The following RCC1L variants were observed in gnomAD, a reference collection of about 807,000 sequenced individuals.
RCC1L encodes RCC1 like, also known as RCC1-like G exchanging factor-like protein.
RCC1L carries 46 observed loss-of-function variants against 58.6 expected under a neutral mutation model. That is an observed-to-expected ratio of 0.79 (90% confidence interval 0.62 to 1.00). The LOEUF (loss-of-function observed/expected upper bound fraction) is 1.00, where lower values mean the gene tolerates loss of function less well. Ranked by LOEUF, RCC1L falls within the 50% of genes least tolerant of loss-of-function variation. The pLI is 0.00. For synonymous variants in RCC1L, 281 were observed against 262.9 expected (o/e 1.07, Z -0.67); for missense variants, 636 against 623.6 (o/e 1.02, Z -0.21).
At chr7:75,066,017 C>A (rs1216060800) in intron 3 of RCC1L, among the ~76,000 whole-genome samples, 190 of 138,810 alleles carry the variant, frequency 1.4e-3, no homozygotes, top group East Asian at 3.0e-3. Flanking sequence ...GACTCTGTCT[C>A]AAAAAAAAAA....
chr7:75,034,426 G>A (rs2131968955), intron 10 of RCC1L, among the ~76,000 whole-genome samples: 1 of 152,312 alleles, frequency 6.6e-6, no homozygotes, highest in East Asian at 1.9e-4. Flanking sequence ...TGAGGCAGGA[G>A]AATCGCTTGA....
chr7:75,061,139 A>T, intron 6 of RCC1L, 68 bp downstream of exon 6: 1 of 1,305,838 alleles, frequency 7.7e-7, no homozygotes, highest in Non-Finnish European at 1.1e-6. Context: ...TAAATGCCCT[A>T]CAGCTCACAG....
intron 10 of RCC1L, among the ~76,000 whole-genome samples, chr7:75,051,340 A>G (rs1216480097): frequency 2.0e-5 from 3 of 149,688 alleles, no homozygotes; most frequent in Non-Finnish European, 4.4e-5. Flanking sequence ...ACACACACAT[A>G]TATATACACA....
chr7:75,049,447 G>T (rs1288826935), intron 10 of RCC1L, among the ~76,000 whole-genome samples: 3 of 150,700 alleles, frequency 2.0e-5, no homozygotes, highest in South Asian at 2.1e-4. Context: ...GATCACTTGA[G>T]ACCAGGAGGT....
chr7:75,027,670 G>A (rs1805175773), exon 11 of RCC1L: 1 of 323,044 alleles, frequency 3.1e-6, no homozygotes, highest in Non-Finnish European at 5.9e-6. Context: ...TGCAGGGGTG[G>A]TCCCTGTTCA....
chr7:75,036,722 C>T (rs1008162202), intron 10 of RCC1L, among the ~76,000 whole-genome samples: 2 of 151,952 alleles, frequency 1.3e-5, no homozygotes, highest in African/African-American at 4.8e-5. Flanking sequence ...GGTGAAACCC[C>T]GTCTCTACTA....
At chr7:75,034,761 C>T (rs1805398017) in intron 10 of RCC1L, among the ~76,000 whole-genome samples, 2 of 152,218 alleles carry the variant, frequency 1.3e-5, no homozygotes, top group African/African-American at 4.8e-5. Flanking sequence ...AAGCACTCCT[C>T]CAATCTCAGC....
chr7:75,036,600 T>A (rs1805435023), intron 10 of RCC1L, among the ~76,000 whole-genome samples: 1 of 151,914 alleles, frequency 6.6e-6, no homozygotes, highest in East Asian at 1.9e-4. Context: ...ATCTTCAATA[T>A]TTTTCTCCCG....
At chr7:75,029,257 T>A (rs1353027746) in intron 10 of RCC1L, among the ~76,000 whole-genome samples, 1 of 152,174 alleles carries the variant, frequency 6.6e-6, no homozygotes, top group Non-Finnish European at 1.5e-5. Flanking sequence ...TGGGCCCCTT[T>A]CTGAGCCTAG....
chr7:75,063,153 G>C (rs1806329176), intron 5 of RCC1L, 139 bp downstream of exon 5: 2 of 954,908 alleles, frequency 2.1e-6, no homozygotes, highest in Admixed American at 3.9e-5. Context: ...CTGGCCTATA[G>C]TAAGTAGGCT....
chr7:75,048,515 G>A (rs930863391), intron 10 of RCC1L, among the ~76,000 whole-genome samples: 2 of 152,368 alleles, frequency 1.3e-5, no homozygotes, highest in East Asian at 1.9e-4. Flanking sequence ...CCGTGTCCCC[G>A]TGTGCACACT....
At chr7:75,061,389 G>GT in intron 5 of RCC1L, 98 bp from the exon 6 acceptor site, 6 of 985,556 alleles carry the variant, frequency 6.1e-6, no homozygotes, top group Non-Finnish European at 9.8e-6. Context: ...GCCGCTCCTG[G>GT]GCACCTGGAG....
chr7:75,054,505 C>T (rs2131990503), intron 9 of RCC1L, among the ~76,000 whole-genome samples: 1 of 152,322 alleles, frequency 6.6e-6, no homozygotes, highest in Non-Finnish European at 1.5e-5. Flanking sequence ...GATTTCTAAA[C>T]ATGTGTCTCT....
At chr7:75,040,345 G>A (rs994424380), downstream of RCC1L, among the ~76,000 whole-genome samples, 6 of 152,072 alleles carry the variant, frequency 3.9e-5, no homozygotes, top group Non-Finnish European at 8.8e-5. Flanking sequence ...CTCTAGGCCC[G>A]GCTACTCGGG....
intron 10 of RCC1L, among the ~76,000 whole-genome samples, chr7:75,050,030 T>C (rs931925489): frequency 6.6e-6 from 1 of 152,148 alleles, no homozygotes; most frequent in Non-Finnish European, 1.5e-5. Flanking sequence ...GCTCCCTGAA[T>C]GTGCAAGAGG....
chr7:75,057,512 C>A lies in RCC1L; in HGVS notation c.1057+17G>T. 1 of 1,613,340 alleles carries A rather than the reference C, an allele frequency of 6.2e-7. No homozygotes were observed. Among genetic ancestry groups the A allele is most frequent in the Non-Finnish European group, 8.5e-7 (1 of 1,179,386 alleles). ...TACCTACAGCTTCCCAATGAGCCAC[C>A]GGAAAGAAGGTCTCACCGTTTAACA... On this transcript the variant is annotated intron_variant, in intron 8 of 10. Coordinates refer to ENST00000610322, the MANE Select transcript of RCC1L (RefSeq NM_030798.5).
intron 4 of RCC1L, among the ~76,000 whole-genome samples, chr7:75,063,849 G>A (rs950076164): frequency 5.9e-5 from 9 of 152,104 alleles, no homozygotes; most frequent in Non-Finnish European, 1.3e-4. Flanking sequence ...GAACTTGGGA[G>A]GCGGAGGTTG....
chr7:75,041,339 G>A (rs34767327), downstream of RCC1L, among the ~76,000 whole-genome samples: 9,177 of 151,906 alleles, frequency 0.06, 932 homozygotes, highest in African/African-American at 0.21. Flanking sequence ...CATTTTTCCC[G>A]TTTCCCTCCC....
chr7:75,028,281 C>T (rs888411767), intron 10 of RCC1L, among the ~76,000 whole-genome samples: 14 of 151,984 alleles, frequency 9.2e-5, no homozygotes, highest in Non-Finnish European at 1.8e-4. Context: ...CCACCACACG[C>T]GGCTAATTTT....
Sources: allele counts gnomAD v4.1 joint callset (sites outside exome capture counted in the v4.1 genomes callset), GRCh38; gene constraint gnomAD v4.1.1; transcripts MANE v1.5; gene names NCBI Gene and HGNC (gene_info 2026-07-23, HGNC 2026-07-21).